Variants in UTRN observed in about 807,000 individuals in gnomAD.
UTRN encodes the protein utrophin.
UTRN carries 283 observed loss-of-function variants against 463.9 expected under a neutral mutation model. That is an observed-to-expected ratio of 0.61 (90% CI 0.55 to 0.67). The LOEUF (loss-of-function observed/expected upper bound fraction) is 0.67, where lower values mean the gene tolerates loss of function less well. Ranked by LOEUF, UTRN falls within the 30% of genes least tolerant of loss-of-function variation. The pLI is 0.00. For synonymous variants in UTRN, 1,442 were observed against 1,431.5 expected (o/e 1.01, Z -0.17); for missense variants, 3,922 against 4,084.3 (o/e 0.96, Z 1.08).
intron 2 of UTRN, among the ~76,000 whole-genome samples, chr6:144,315,322 C>G (rs920642394): frequency 1.3e-5 from 2 of 152,136 alleles, no homozygotes; most frequent in African/African-American, 4.8e-5. Context: ...GGATGGCTGG[C>G]AGGGGCAGTA....
intron 51 of UTRN, among the ~76,000 whole-genome samples, chr6:144,620,000 C>T: frequency 6.6e-6 from 1 of 152,294 alleles, no homozygotes; most frequent in East Asian, 1.9e-4. Flanking sequence ...CTGGAGCTCT[C>T]CCAGATATCC....
chr6:144,622,184 G>GTGT (rs1775467784), intron 51 of UTRN, among the ~76,000 whole-genome samples: 1 of 88,202 alleles, frequency 1.1e-5, no homozygotes, highest in African/African-American at 4.3e-5. Flanking sequence ...TTTTTTTGTT[G>GTGT]TTTTTTTTTT....
At chr6:144,446,092 C>T (rs1362556169) in intron 14 of UTRN, among the ~76,000 whole-genome samples, 1 of 152,056 alleles carries the variant, frequency 6.6e-6, no homozygotes, top group Non-Finnish European at 1.5e-5. Context: ...TAGAGAAAAC[C>T]ATTGTGTTAC....
intron 64 of UTRN, among the ~76,000 whole-genome samples, chr6:144,799,674 C>T (rs1170554009): frequency 6.6e-6 from 1 of 152,120 alleles, no homozygotes; most frequent in East Asian, 1.9e-4. Context: ...AGACAATGTG[C>T]TAAGAGGTGT....
intron 52 of UTRN, among the ~76,000 whole-genome samples, chr6:144,690,095 T>TTGTGTGTGTGTGTG (rs1554339292): frequency 5.4e-3 from 182 of 33,480 alleles, no homozygotes; most frequent in Non-Finnish European, 6.3e-3. Context: ...TTTTTTTTTT[T>TTGTGTGTGTGTGTG]TGTGTGTGTG....
intron 58 of UTRN, among the ~76,000 whole-genome samples, chr6:144,764,813 TAAAG>T (rs1793095325): frequency 6.6e-6 from 1 of 152,044 alleles, no homozygotes; most frequent in South Asian, 2.1e-4. Context: ...AAGAAAGAGA[TAAAG>T]TAGTAATTTT....
chr6:144,723,564 A>G (rs946886608), intron 53 of UTRN, among the ~76,000 whole-genome samples: 1 of 152,192 alleles, frequency 6.6e-6, no homozygotes, highest in Non-Finnish European at 1.5e-5. Flanking sequence ...AAATATATGC[A>G]CATTAACACA....
intron 53 of UTRN, among the ~76,000 whole-genome samples, chr6:144,703,154 AT>A (rs1395894363): frequency 6.6e-6 from 1 of 152,182 alleles, no homozygotes; most frequent in Non-Finnish European, 1.5e-5. Context: ...GATGGATTAG[AT>A]GTGTGGAATG....
intron 3 of UTRN, among the ~76,000 whole-genome samples, chr6:144,415,897 C>T (rs1194380719): frequency 6.6e-6 from 1 of 152,020 alleles, no homozygotes; most frequent in Non-Finnish European, 1.5e-5. Context: ...AGTGGAAGGA[C>T]AGGGCTGGTG....
Position 144,479,699 on chromosome 6 carries a change from G to T in UTRN, c.3337-113G>T. The T allele has an allele frequency of 2.5e-6, 3 of 1,224,202 alleles. No individual in the cohort carries two copies. The Admixed American group carries it at 7.4e-5, about 30-fold the overall frequency. The allele number at this position is 1,224,202 out of a possible 1,614,324, so 75.8% of individuals were successfully genotyped here. On this transcript the variant is annotated intron_variant, in intron 25 of 74. Coordinates refer to ENST00000367545, the MANE Select transcript of UTRN (RefSeq NM_007124.3). ...TATGAGATTTTATCTGAATTTTAAA[G>T]CATGCAATTCGTTGTGGAAAGTTAT...
chr6:144,743,118 T>C (rs561818942), intron 54 of UTRN, among the ~76,000 whole-genome samples: 170 of 152,312 alleles, frequency 1.1e-3, no homozygotes, highest in African/African-American at 3.9e-3. Flanking sequence ...AAAAATTCAA[T>C]TCCGTCCAAC....
At chr6:144,356,541 T>G (rs1778561637) in intron 2 of UTRN, among the ~76,000 whole-genome samples, 1 of 152,226 alleles carries the variant, frequency 6.6e-6, no homozygotes, top group Non-Finnish European at 1.5e-5. Flanking sequence ...TGATAACTTT[T>G]AAACATACAC....
intron 2 of UTRN, among the ~76,000 whole-genome samples, chr6:144,307,293 A>G (rs1049522949): frequency 6.6e-6 from 1 of 152,196 alleles, no homozygotes; most frequent in Non-Finnish European, 1.5e-5. Context: ...CCTTGCAGAT[A>G]TTACTCTACC....
At chr6:144,488,580 CT>C in intron 29 of UTRN, 92 bp from the exon 30 acceptor site, 1 of 1,250,292 alleles carries the variant, frequency 8.0e-7, no homozygotes, top group East Asian at 2.5e-5. Context: ...TGGATGAAAG[CT>C]TTTATGGTCT....
intron 51 of UTRN, among the ~76,000 whole-genome samples, chr6:144,582,286 C>T (rs1178456346): frequency 2.0e-5 from 3 of 152,082 alleles, no homozygotes; most frequent in Admixed American, 1.3e-4. Context: ...AGCATTAGCC[C>T]GGTTACCAGT....
chr6:144,613,325 C>G (rs1303135236), intron 51 of UTRN, among the ~76,000 whole-genome samples: 1 of 151,794 alleles, frequency 6.6e-6, no homozygotes, highest in African/African-American at 2.4e-5. Flanking sequence ...GGCTACCAAC[C>G]AAATCAACAA....
intron 52 of UTRN, among the ~76,000 whole-genome samples, chr6:144,698,719 C>T (rs1349643597): frequency 6.6e-6 from 1 of 152,136 alleles, no homozygotes; most frequent in African/African-American, 2.4e-5. Flanking sequence ...AGGGCCCTAA[C>T]AAGAGCAAAA....
At chr6:144,537,857 T>A in intron 44 of UTRN, 140 bp downstream of exon 44, 1 of 1,246,938 alleles carries the variant, frequency 8.0e-7, no homozygotes, top group Non-Finnish European at 1.1e-6. Context: ...AAGAGGAATA[T>A]CTTTTATTTT....
At position 144,537,585 on chromosome 6, in the gene UTRN, A is replaced by G. The variant is rs1797646979; in HGVS notation, c.6237A>G (p.Leu2079=). ...TTTAAATAATATATTCTTTTAGGCT[A>G]AAAGGAGAAAGTAAGCAGGTGATGA... The part of the protein sequence containing the change: ...VAEVKDRQPR[L]KGESKQVMKY... The change falls in exon 44 of 75, where the codon CTA becomes CTG. Residue 2079 remains leucine (L), a synonymous_variant. Coordinates refer to ENST00000367545, the MANE Select transcript of UTRN (RefSeq NM_007124.3). The G allele has an allele frequency of 1.3e-6, 2 of 1,573,824 alleles. No individual in the cohort carries two copies. The highest frequency in any genetic ancestry group is 1.8e-5 in the Admixed American group (1 of 54,246).
Sources: allele counts gnomAD v4.1 joint callset (sites outside exome capture counted in the v4.1 genomes callset), GRCh38; gene constraint gnomAD v4.1.1; transcripts MANE v1.5; gene names NCBI Gene and HGNC (gene_info 2026-07-23, HGNC 2026-07-21).